Variants in ACTN1 observed in about 807,000 individuals in gnomAD.
The protein encoded by ACTN1 is actinin alpha 1.
Under a neutral mutation model 119.6 loss-of-function variants are expected in ACTN1, and 30 were observed. The ratio of observed to expected loss-of-function variants is 0.25; its 90% CI spans 0.19 to 0.34. ACTN1 has a LOEUF of 0.34. Ranked by LOEUF, ACTN1 falls within the 10% of genes least tolerant of loss-of-function variation. The pLI is 1.00. For missense variants in ACTN1, 764 were observed against 1,223.4 expected (o/e 0.62, Z 5.60); for synonymous variants, 429 against 472.6 (o/e 0.91, Z 1.20).
In ACTN1 at chr14:68,883,068, G is replaced by T; in HGVS notation, c.1636-13C>A. 6.2e-7 allele frequency: 1 copy of T among 1,612,088 alleles called. No individual in the cohort carries two copies. Reference sequence around the variant, plus strand: ...CTGTGGTCAGTCCCTGGACAGAGATGGGAATATGTGGGCAAGAGGAACAAA... The same window carrying T: ...CTGTGGTCAGTCCCTGGACAGAGATTGGAATATGTGGGCAAGAGGAACAAA... On this transcript the variant is annotated splice_polypyrimidine_tract_variant and intron_variant, in intron 14 of 21. Coordinates refer to ENST00000394419, the MANE Select transcript of ACTN1 (RefSeq NM_001130004.2).
At chr14:68,968,379 G>A (rs1471657140) in intron 1 of ACTN1, among the ~76,000 whole-genome samples, 4 of 152,252 alleles carry the variant, frequency 2.6e-5, no homozygotes, top group Admixed American at 2.0e-4. Flanking sequence ...AAACAGGGAT[G>A]GCAGAGCTCC....
In ACTN1 at chr14:68,878,533, G is replaced by T; in HGVS notation, c.2362-10C>A. On this transcript the variant is annotated splice_polypyrimidine_tract_variant and intron_variant, in intron 19 of 21. Coordinates refer to ENST00000394419, the MANE Select transcript of ACTN1 (RefSeq NM_001130004.2). This position sits in a 1 kb window ranked among gnomAD's most constrained non-coding sequence, Gnocchi z 4.4. ...TCATGCCTGTCTTCTTCTGTGGGGG[G>T]CAGTGGTACCAAGACACAAGGAGGG... The T allele has an allele frequency of 1.2e-6, 2 of 1,610,220 alleles. No individual in the cohort carries two copies. The highest frequency in any genetic ancestry group is 2.2e-5 in the East Asian group (1 of 44,824).
At chr14:68,908,328 G>A (rs1430093413) in intron 6 of ACTN1, among the ~76,000 whole-genome samples, 19 of 152,136 alleles carry the variant, frequency 1.2e-4, no homozygotes, top group Admixed American at 1.2e-3. Flanking sequence ...AGCAGCTCCT[G>A]CCCCAGTGAT....
At chr14:68,877,334 T>C (rs2031019966) in intron 20 of ACTN1, 94 bp from the exon 21 acceptor site, 2 of 1,488,134 alleles carry the variant, frequency 1.3e-6, no homozygotes, top group African/African-American at 2.8e-5. Flanking sequence ...GAGCAGCCTA[T>C]GGCTGGAAGA....
In ACTN1 at chr14:68,878,931, G is replaced by A. The variant is rs1267639031; in HGVS notation, c.2361+58C>T. On this transcript the variant is annotated intron_variant, in intron 19 of 21. Coordinates refer to ENST00000394419, the MANE Select transcript of ACTN1 (RefSeq NM_001130004.2). This position sits in a 1 kb window ranked among gnomAD's most constrained non-coding sequence, Gnocchi z 4.4. ...CAGAGAGAAGAGAAAAAGGAAAAACGCATTATTTCTTGCCCCAGACGCCAC... is the reference window on the plus strand; with the variant it reads ...CAGAGAGAAGAGAAAAAGGAAAAACACATTATTTCTTGCCCCAGACGCCAC... 3.2e-5 allele frequency: 51 copies of A among 1,610,868 alleles called. No homozygotes were observed. The highest frequency in any genetic ancestry group is 4.2e-5 in the Non-Finnish European group (50 of 1,179,412).
At chr14:68,883,833 T>C (rs536531076) in intron 14 of ACTN1, among the ~76,000 whole-genome samples, 1 of 152,146 alleles carries the variant, frequency 6.6e-6, no homozygotes, top group African/African-American at 2.4e-5. Context: ...TAATAAAAGG[T>C]ACTTTTTGTT....
intron 1 of ACTN1, among the ~76,000 whole-genome samples, chr14:68,942,163 A>G (rs988047124): frequency 6.6e-6 from 1 of 152,110 alleles, no homozygotes; most frequent in African/African-American, 2.4e-5. Flanking sequence ...ACTCCCAGGG[A>G]GCAGAACTTC....
chr14:68,939,348 C>G (rs913952062), intron 1 of ACTN1, among the ~76,000 whole-genome samples: 1 of 152,244 alleles, frequency 6.6e-6, no homozygotes, highest in Admixed American at 6.5e-5. Context: ...CAGCCACCAG[C>G]TAGCTCTGTC....
chr14:68,933,070 G>A (rs895752956), intron 1 of ACTN1, among the ~76,000 whole-genome samples: 2 of 152,152 alleles, frequency 1.3e-5, no homozygotes, highest in African/African-American at 4.8e-5. Context: ...TTAGAGATGA[G>A]GAAACTAAGG....
chr14:68,899,033 A>ACAC (rs76371776), intron 8 of ACTN1, among the ~76,000 whole-genome samples: 18,687 of 131,846 alleles, frequency 0.14, 1,528 homozygotes, highest in African/African-American at 0.21. Context: ...CACCACACAC[A>ACAC]CACACATGCC....
intron 8 of ACTN1, among the ~76,000 whole-genome samples, chr14:68,901,249 G>GTTTTTTTTTT (rs564351239): frequency 2.9e-5 from 3 of 103,498 alleles, no homozygotes; most frequent in African/African-American, 7.5e-5. Flanking sequence ...TTTTTGTTTT[G>GTTTTTTTTTT]TTTTTTTTTT....
chr14:68,935,235 G>A (rs1382609829), intron 1 of ACTN1, among the ~76,000 whole-genome samples: 1 of 151,734 alleles, frequency 6.6e-6, no homozygotes, highest in Non-Finnish European at 1.5e-5. Context: ...TATTGGTCAG[G>A]CTGGTCTCGA....
In ACTN1 at chr14:68,904,775, GCCA is replaced by G. The variant is rs773350209; in HGVS notation, c.595-42_595-40del. The G allele has an allele frequency of 4.1e-5, 64 of 1,568,204 alleles. No individual in the cohort carries two copies. The Admixed American group carries it at 5.9e-4, about 14-fold the overall frequency. ...AGGAGGAAGGGATGATAAAGTGAGA[GCCA>G]CCACAAGTCACTGGCTACTCCCAAT... is the stretch of plus-strand genomic sequence containing the variant. On this transcript the variant is annotated intron_variant, in intron 6 of 21. Transcript: ENST00000394419.
chr14:68,936,320 C>T lies in ACTN1; in HGVS notation c.106-10648G>A, dbSNP rs574060446. 9.5e-4 allele frequency among the ~76,000 whole-genome samples: 145 copies of T among 152,204 alleles called. 4 individuals are homozygous for T. The South Asian group carries it at 0.03, about 31-fold the overall frequency. On this transcript the variant is annotated intron_variant, in intron 1 of 21. Transcript: ENST00000394419. The stretch of plus-strand genomic sequence containing the variant: ...CCCTTCTCAGCAAGCAGAATCCTGA[C>T]GTTAGTGTCCCGGACAGCATCTAAA...
At chr14:68,917,486 T>C (rs1365744774) in intron 3 of ACTN1, among the ~76,000 whole-genome samples, 2 of 152,210 alleles carry the variant, frequency 1.3e-5, no homozygotes, top group African/African-American at 4.8e-5. Flanking sequence ...CAGCCCAGGA[T>C]GGACAACCTG....
At chr14:68,876,086 T>C (rs2030859285) in intron 21 of ACTN1, among the ~76,000 whole-genome samples, 1 of 152,182 alleles carries the variant, frequency 6.6e-6, no homozygotes, top group Non-Finnish European at 1.5e-5. Context: ...AACCTCCACC[T>C]CTCAGGTTCA....
chr14:68,888,213 A>G (rs1594765160), intron 11 of ACTN1: 1 of 417,918 alleles, frequency 2.4e-6, no homozygotes, highest in Non-Finnish European at 4.5e-6. Flanking sequence ...AGTCTCAAGA[A>G]ATGGAATTCC....
At chr14:68,912,409 C>T (rs769594717) in intron 3 of ACTN1, among the ~76,000 whole-genome samples, 167 bp from the exon 4 acceptor site, 22 of 152,142 alleles carry the variant, frequency 1.4e-4, no homozygotes, top group Non-Finnish European at 3.2e-4. Context: ...ACAGGGTTTT[C>T]GCTCTGTCAC....
rs2034900884 is a variant in ACTN1 at position 68,925,925 on chromosome 14, C to G, written c.106-253G>C. On this transcript the variant is annotated intron_variant, in intron 1 of 21. Coordinates refer to ENST00000394419, the MANE Select transcript of ACTN1 (RefSeq NM_001130004.2). This position sits in a 1 kb window ranked among gnomAD's most constrained non-coding sequence, Gnocchi z 4.3. ...GCAGGATACATGAAGCAGCAAATTC[C>G]CTTAACATCCGCCTCCCAGCCCTCT... Among the ~76,000 whole-genome samples the G allele has an allele frequency of 6.6e-6, 1 of 152,188 alleles. No individual in the cohort carries two copies. Among genetic ancestry groups the G allele is most frequent in the African/African-American group, 2.4e-5 (1 of 41,434 alleles).
Sources: gnomAD v4.1 joint callset for allele counts (sites outside exome capture counted in the v4.1 genomes callset) on GRCh38, gnomAD v4.1.1 for gene constraint, Gnocchi (gnomAD v3.1) non-coding constraint, MANE v1.5 for transcripts, NCBI Gene and HGNC (gene_info 2026-07-23, HGNC 2026-07-21) for gene names.